INSR: variants seen among roughly 807,000 people sequenced by gnomAD.
INSR encodes the protein insulin receptor.
Under a neutral mutation model 142.6 loss-of-function variants are expected in INSR, and 67 were observed. That is an observed-to-expected ratio of 0.47 (90% CI 0.39 to 0.58). INSR has a LOEUF of 0.58. Ranked by LOEUF, INSR falls within the 20% of genes least tolerant of loss-of-function variation. The pLI is 0.00. For missense variants in INSR, 1,248 were observed against 1,833.2 expected (o/e 0.68, Z 5.83); for synonymous variants, 756 against 743.1 (o/e 1.02, Z -0.28).
rs1478668869 is a variant in INSR at position 7,202,228 on chromosome 19, TA to T, written c.653-17592del. On this transcript the variant is annotated intron_variant, in intron 2 of 21. Coordinates refer to ENST00000302850, the MANE Select transcript of INSR (RefSeq NM_000208.4). ...GCCACCCTACTGAGCAGCATCTCTC[TA>T]AAAGATCCAGCTTTTTGATTTTGTC... Among the ~76,000 whole-genome samples, 5 of 152,232 alleles carry T rather than the reference TA, an allele frequency of 3.3e-5. No homozygotes were observed. The East Asian group carries it at 5.8e-4, about 18-fold the overall frequency.
chr19:7,205,540 G>C (rs1975084711), intron 2 of INSR, among the ~76,000 whole-genome samples: 1 of 152,192 alleles, frequency 6.6e-6, no homozygotes, highest in South Asian at 2.1e-4. Context: ...GATGGGGACA[G>C]TAGGAGGAGC....
At chr19:7,241,152 A>T (rs892310065) in intron 2 of INSR, among the ~76,000 whole-genome samples, 5 of 147,994 alleles carry the variant, frequency 3.4e-5, no homozygotes, top group African/African-American at 1.2e-4. Context: ...TATTACTTTC[A>T]CTTATTCACT....
At chr19:7,260,752 C>T (rs1455361661) in intron 2 of INSR, among the ~76,000 whole-genome samples, 1 of 152,046 alleles carries the variant, frequency 6.6e-6, no homozygotes, top group African/African-American at 2.4e-5. Context: ...CCCCACACCA[C>T]CACCCTAAGA....
intron 2 of INSR, among the ~76,000 whole-genome samples, chr19:7,204,439 T>A (rs1258857589): frequency 6.6e-6 from 1 of 152,164 alleles, no homozygotes; most frequent in Non-Finnish European, 1.5e-5. Flanking sequence ...TGGCCTCGTT[T>A]TCCCGGGGGG....
In INSR at chr19:7,185,283, C is replaced by T. The variant is rs1031471285; in HGVS notation, c.653-646G>A. Among the ~76,000 whole-genome samples, 4 of 152,120 alleles carry T rather than the reference C, an allele frequency of 2.6e-5. No homozygotes were observed. The East Asian group carries it at 5.8e-4, about 22-fold the overall frequency. On this transcript the variant is annotated intron_variant, in intron 2 of 21. Coordinates refer to ENST00000302850, the MANE Select transcript of INSR (RefSeq NM_000208.4). ...CTCACAAATTGCCTGAAAATTTCAC[C>T]ACTGGCTCCAGCAAGCCAACTCCAG...
intron 1 of INSR, among the ~76,000 whole-genome samples, chr19:7,277,506 G>T (rs1317477719): frequency 6.6e-6 from 1 of 152,116 alleles, no homozygotes; most frequent in Non-Finnish European, 1.5e-5. Flanking sequence ...ACAAAGAACT[G>T]CAGAGATGTT....
chr19:7,143,348 A>T (rs540580061), intron 11 of INSR, among the ~76,000 whole-genome samples: 6 of 152,294 alleles, frequency 3.9e-5, no homozygotes, highest in Non-Finnish European at 7.3e-5. Flanking sequence ...TCAATGGTAG[A>T]CACACACCGA....
intron 2 of INSR, among the ~76,000 whole-genome samples, chr19:7,235,378 C>T (rs4804103): frequency 0.23 from 35,311 of 151,952 alleles, 5,008 homozygotes; most frequent in African/African-American, 0.4. Flanking sequence ...CTAAAATTAT[C>T]GCTCTCAACT....
chr19:7,251,832 T>C (rs1600094498), intron 2 of INSR, among the ~76,000 whole-genome samples: 1 of 152,076 alleles, frequency 6.6e-6, no homozygotes, highest in South Asian at 2.1e-4. Flanking sequence ...GGTGTGGCTT[T>C]TCTGAACCTG....
In INSR at chr19:7,119,588, C is replaced by A. The variant is rs770711598; in HGVS notation, c.3660-5G>T. Reference sequence around the variant, plus strand: ...CAAAGGACCACGCCAAAGGACCTGCCGATGACAGTTGATAGTAGTAACAAA... The same window carrying A: ...CAAAGGACCACGCCAAAGGACCTGCAGATGACAGTTGATAGTAGTAACAAA... On this transcript the variant is annotated splice_region_variant and splice_polypyrimidine_tract_variant and intron_variant, in intron 20 of 21. Coordinates refer to ENST00000302850, the MANE Select transcript of INSR (RefSeq NM_000208.4). The surrounding 1 kb of genome is among the most constrained non-coding windows in gnomAD (Gnocchi z 5.2). 6.2e-7 allele frequency: 1 copy of A among 1,613,814 alleles called. No homozygotes were observed. Among genetic ancestry groups the A allele is most frequent in the East Asian group, 2.2e-5 (1 of 44,874 alleles).
intron 2 of INSR, among the ~76,000 whole-genome samples, chr19:7,201,809 CGG>C (rs1491010924): frequency 6.4e-4 from 6 of 9,360 alleles, no homozygotes; most frequent in Admixed American, 2.0e-3. Context: ...ACTACAGGCG[CGG>C]CCACCACGCC....
At position 7,117,388 on chromosome 19, in the gene INSR, A is replaced by G; in HGVS notation, c.3817T>C (p.Trp1273Arg). The change falls in exon 22 of 22, where the codon TGG (tryptophan) becomes CGG (arginine). Residue 1273 changes from tryptophan to arginine, a missense_variant. Trp to Arg is a moderately radical substitution (Grantham distance 101, BLOSUM62 -3). This residue lies in a region of INSR where 1,069 missense variants were observed against 1,654.0 expected (regional missense o/e 0.65). Coordinates refer to ENST00000302850, the MANE Select transcript of INSR (RefSeq NM_000208.4). ...GGCCTCATCTTGGGGTTGAATTGCC[A>G]GCACATGCGCATGAGGTCAGTGCTG... ...ERVTDLMRMC[W>R]QFNPKMRPTF... 1 of 1,614,010 alleles carries G rather than the reference A, an allele frequency of 6.2e-7. No homozygotes were observed. Among genetic ancestry groups the G allele is most frequent in the Non-Finnish European group, 8.5e-7 (1 of 1,179,936 alleles).
At chr19:7,280,311 G>T (rs1968173515) in intron 1 of INSR, among the ~76,000 whole-genome samples, 1 of 152,038 alleles carries the variant, frequency 6.6e-6, no homozygotes, top group South Asian at 2.1e-4. Context: ...GGGTGCGGTT[G>T]CTCACGCCTG....
intron 13 of INSR, among the ~76,000 whole-genome samples, chr19:7,136,364 T>G (rs1972926579): frequency 6.6e-6 from 1 of 152,126 alleles, no homozygotes; most frequent in African/African-American, 2.4e-5. Flanking sequence ...TTTTTTCTGC[T>G]TCTGTGTCCA....
chr19:7,290,108 A>G (rs1968451365), intron 1 of INSR, among the ~76,000 whole-genome samples: 1 of 152,148 alleles, frequency 6.6e-6, no homozygotes, highest in African/African-American at 2.4e-5. Context: ...AGCAAAGAAT[A>G]AGAATAACTG....
intron 2 of INSR, among the ~76,000 whole-genome samples, chr19:7,199,391 A>G (rs1974885932): frequency 6.6e-6 from 1 of 151,078 alleles, no homozygotes; most frequent in South Asian, 2.1e-4. Context: ...AGTTTGTTTG[A>G]TTTTTTAAAT....
intron 2 of INSR, among the ~76,000 whole-genome samples, chr19:7,198,049 C>G (rs1475826253): frequency 3.3e-5 from 5 of 150,434 alleles, no homozygotes; most frequent in Non-Finnish European, 5.9e-5. Flanking sequence ...GTGTGTGTGT[C>G]TGCGTGTGTG....
At chr19:7,249,544 G>A (rs1976641664) in intron 2 of INSR, among the ~76,000 whole-genome samples, 1 of 152,008 alleles carries the variant, frequency 6.6e-6, no homozygotes, top group East Asian at 1.9e-4. Context: ...TGGATCTCTA[G>A]ACAAATATTT....
Position 7,159,450 on chromosome 19 carries a change from G to C in INSR, c.2029+3582C>G, listed in dbSNP as rs186484774. 23 of 151,478 alleles carry C rather than the reference G, an allele frequency of 1.5e-4. No individual in the cohort carries two copies. Among genetic ancestry groups the C allele is most frequent in the African/African-American group, 5.1e-4 (21 of 41,226 alleles). The allele number at this position is 151,478 out of a possible 1,614,324, so 9.4% of individuals were successfully genotyped here. A position where few individuals can be genotyped will look rare whatever the true frequency, so the allele number is the denominator to read the frequency against. On this transcript the variant is annotated intron_variant, in intron 9 of 21. Transcript: ENST00000302850. This position sits in a 1 kb window ranked among gnomAD's most constrained non-coding sequence, Gnocchi z 4.3. ...TGTCCTTAGTGAGTTTCCTTTTAAT[G>C]ATATTAACTTTGTGACAATTACAAA...
Sources: allele counts gnomAD v4.1 joint callset (sites outside exome capture counted in the v4.1 genomes callset), GRCh38; gene constraint gnomAD v4.1.1; regional missense constraint gnomAD v4.1.1; non-coding constraint Gnocchi (gnomAD v3.1); transcripts MANE v1.5; gene names NCBI Gene and HGNC (gene_info 2026-07-23, HGNC 2026-07-21).